The following ERAP1 variants were observed in gnomAD, a reference collection of about 807,000 sequenced individuals.
The protein encoded by ERAP1 is adipocyte-derived leucine aminopeptidase.
A neutral mutation model predicts 103.7 loss-of-function variants in ERAP1; 86 were observed. The ratio of observed to expected loss-of-function variants is 0.83; its 90% CI spans 0.70 to 0.99. The LOEUF is 0.99. Ranked by LOEUF, ERAP1 falls within the 50% of genes least tolerant of loss-of-function variation. The pLI is 0.00. For synonymous variants in ERAP1, 398 were observed against 402.4 expected (o/e 0.99, Z 0.13); for missense variants, 1,009 against 1,128.4 (o/e 0.89, Z 1.52).
the ERAP1 span, among the ~76,000 whole-genome samples, chr5:96,852,730 A>C: frequency 6.6e-6 from 1 of 152,222 alleles, no homozygotes; most frequent in Non-Finnish European, 1.5e-5. Context: ...GTAGTTTTAA[A>C]TTTAGCTTTA....
chr5:96,886,586 A>G, the ERAP1 span: 17 of 1,348,586 alleles, frequency 1.3e-5, no homozygotes, highest in African/African-American at 1.2e-4. Flanking sequence ...CTCACCTGCC[A>G]TAAGTCATAG....
rs200793731 is a variant in ERAP1, at chr5:96,785,745, C to G, written c.1943+43G>C. The G allele has an allele frequency of 3.6e-4, 577 of 1,597,930 alleles. 5 individuals carry two copies. In the East Asian group the frequency reaches 0.013, roughly 35 times the overall value. ...AAATCAAGAATTTGAACAATAACAG[C>G]TGCTTTCAGAAATAAACCGCGACTT... On this transcript the variant is annotated intron_variant, in intron 13 of 18. Transcript: ENST00000443439.
chr5:96,928,703 G>C, the ERAP1 span, among the ~76,000 whole-genome samples: 1 of 152,286 alleles, frequency 6.6e-6, no homozygotes, highest in African/African-American at 2.4e-5. Context: ...AGAATAGGTA[G>C]CCAGGCAGAC....
At chr5:96,878,478 A>G in the ERAP1 span, among the ~76,000 whole-genome samples, 847 of 152,280 alleles carry the variant, frequency 5.6e-3, 9 homozygotes, top group African/African-American at 0.019. Context: ...TGAAGACAAA[A>G]TAGAGACATC....
chr5:96,814,223 C>A, the ERAP1 span: 5 of 455,998 alleles, frequency 1.1e-5, no homozygotes, highest in East Asian at 3.5e-4. Context: ...CAGTGTTTTG[C>A]TGACTGTTTT....
chr5:96,815,407 G>GTTTTT, the ERAP1 span, among the ~76,000 whole-genome samples: 27 of 105,490 alleles, frequency 2.6e-4, 1 homozygote, highest in East Asian at 9.3e-4. Flanking sequence ...TGTTTGTTTT[G>GTTTTT]TTTTTTATTT....
At chr5:96,778,937 A>AT (rs1213250093) in intron 18 of ERAP1, among the ~76,000 whole-genome samples, 1 of 152,146 alleles carries the variant, frequency 6.6e-6, no homozygotes, top group Non-Finnish European at 1.5e-5. Flanking sequence ...CCATTATGAT[A>AT]ACATCTCGGG....
chr5:96,773,443 G>A (rs528255449), downstream of ERAP1: 2 of 152,460 alleles, frequency 1.3e-5, no homozygotes, highest in African/African-American at 2.4e-5. Context: ...TTGGTTTACT[G>A]TGTTAGTAAA....
At chr5:96,880,698 A>G in the ERAP1 span, among the ~76,000 whole-genome samples, 1 of 151,348 alleles carries the variant, frequency 6.6e-6, no homozygotes, top group Non-Finnish European at 1.5e-5. Flanking sequence ...ATAGTCAGAA[A>G]CAAGGAACTA....
chr5:96,893,805 G>T, the ERAP1 span, among the ~76,000 whole-genome samples: 1 of 152,054 alleles, frequency 6.6e-6, no homozygotes. Flanking sequence ...GGCATACAAG[G>T]TTCCCATGAC....
chr5:96,813,958 G>A, the ERAP1 span: 1 of 173,264 alleles, frequency 5.8e-6, no homozygotes, highest in East Asian at 1.7e-4. Flanking sequence ...TCCTTCCTTT[G>A]GAGGAAAAGT....
chr5:96,795,063 G>T lies in ERAP1; in HGVS notation c.898C>A (p.Pro300Thr). 1 of 1,613,952 alleles carries T rather than the reference G, an allele frequency of 6.2e-7. No homozygotes were observed. The highest frequency in any genetic ancestry group is 8.5e-7 in the Non-Finnish European group (1 of 1,179,958). ...CTACCTTGTTTGGGTAGGGGATACGGTATGCTGAAATAATCCTCATAAAAT... is the reference window on the plus strand; with the variant it reads ...CTACCTTGTTTGGGTAGGGGATACGTTATGCTGAAATAATCCTCATAAAAT... Reference protein sequence around the residue: ...LEFYEDYFSIPYPLPKQDLAA... With the variant: ...LEFYEDYFSITYPLPKQDLAA... Residue 300 changes from proline to threonine, a missense_variant, in exon 5 of 19, where the codon CCG becomes ACG. Transcript: ENST00000443439.
At chr5:96,879,641 C>T in the ERAP1 span, 2,350 of 1,537,464 alleles carry the variant, frequency 1.5e-3, 28 homozygotes, top group African/African-American at 0.028. Context: ...TGAAGAACTA[C>T]GAGATTAGCC....
At chr5:96,766,678 A>T (rs1770090230) in intron 19 of ERAP1, among the ~76,000 whole-genome samples, 1 of 152,216 alleles carries the variant, frequency 6.6e-6, no homozygotes, top group Non-Finnish European at 1.5e-5. Context: ...TTTGTCTCCC[A>T]CATGATAGAG....
At position 96,786,468 on chromosome 5, in the gene ERAP1, A is replaced by C. The variant is rs537671752; in HGVS notation, c.1759+2T>G. 69 of 1,596,322 alleles carry C rather than the reference A, an allele frequency of 4.3e-5. No homozygotes were observed. The highest frequency in any genetic ancestry group is 8.3e-5 in the Admixed American group (5 of 59,976). On this transcript the variant is annotated splice_donor_variant, in intron 12 of 18. Transcript: ENST00000443439. LOFTEE classifies it high-confidence loss of function. ...TAACTAGTAGTTTCCAAAATAAATT[A>C]CCTGTTTTTGTTTTTAGCAAAAATC...
At chr5:96,903,514 CCTAAGGACAGA>C in the ERAP1 span, 1 of 1,613,716 alleles carries the variant, frequency 6.2e-7, no homozygotes, top group Non-Finnish European at 8.5e-7. Context: ...ACTTCTCAGA[CCTAAGGACAGA>C]GTAGGTCTGA....
At chr5:96,916,765 C>CTTTT in the ERAP1 span, among the ~76,000 whole-genome samples, 72 of 145,026 alleles carry the variant, frequency 5.0e-4, no homozygotes, top group Non-Finnish European at 8.0e-4. Context: ...ACCAGCCTAT[C>CTTTT]TTTTTTTTTT....
the ERAP1 span, among the ~76,000 whole-genome samples, chr5:96,871,550 A>G: frequency 6.6e-6 from 1 of 152,206 alleles, no homozygotes; most frequent in African/African-American, 2.4e-5. Context: ...CAAGCTCAGA[A>G]TCACCCTGGT....
chr5:96,866,915 T>C, the ERAP1 span, among the ~76,000 whole-genome samples: 1 of 152,172 alleles, frequency 6.6e-6, no homozygotes, highest in African/African-American at 2.4e-5. Context: ...TACGTTTCCT[T>C]GATGAGTGAC....
Sources: allele counts gnomAD v4.1 joint callset (sites outside exome capture counted in the v4.1 genomes callset), GRCh38; gene constraint gnomAD v4.1.1; transcripts MANE v1.5; gene names NCBI Gene and HGNC (gene_info 2026-07-23, HGNC 2026-07-21).